NALF1: variants seen among roughly 807,000 people sequenced by gnomAD.
NALF1 encodes the protein NALCN channel auxiliary factor 1.
NALF1 carries 3 observed loss-of-function variants against 48.4 expected under a neutral mutation model. The ratio of observed to expected loss-of-function variants is 0.06; its 90% CI spans 0.03 to 0.16. The LOEUF is 0.16. Among genes scored for constraint, NALF1 ranks in the 10% least tolerant of loss-of-function variants. The pLI, the probability that NALF1 is intolerant of heterozygous loss-of-function variation, is 1.00. For synonymous variants in NALF1, 262 were observed against 245.7 expected (o/e 1.07, Z -0.62); for missense variants, 526 against 571.5 (o/e 0.92, Z 0.81).
chr13:107,392,813 C>T lies in NALF1; in HGVS notation c.916-182058G>A, dbSNP rs868333305. 4.6e-5 allele frequency among the ~76,000 whole-genome samples: 7 copies of T among 152,122 alleles called. 1 individual carries two copies. In the South Asian group the frequency reaches 1.0e-3, roughly 22 times the overall value. On this transcript the variant is annotated intron_variant, in intron 1 of 2. Transcript: ENST00000375915. ...AAACCTGTTTGGTGCTGTCCCCTTG[C>T]AAATTATCTGAGTGTGACCTACAGT...
At chr13:107,755,311 C>T (rs538626884) in intron 1 of NALF1, among the ~76,000 whole-genome samples, 2 of 152,056 alleles carry the variant, frequency 1.3e-5, no homozygotes, top group Non-Finnish European at 2.9e-5. Flanking sequence ...CCACTTCACT[C>T]TAGCTGCACT....
At position 107,362,753 on chromosome 13, in the gene NALF1, C is replaced by T. The variant is rs1883087037; in HGVS notation, c.916-151998G>A. ...TGGAGCTCCTATGATCCAGCAAACA[C>T]CGTGTGTGCTTTTACAACTTTCCCA... On this transcript the variant is annotated intron_variant, in intron 1 of 2. Coordinates refer to ENST00000375915, the MANE Select transcript of NALF1 (RefSeq NM_001080396.3). The surrounding 1 kb of genome is among the most constrained non-coding windows in gnomAD (Gnocchi z 4.6). 3.3e-5 allele frequency among the ~76,000 whole-genome samples: 5 copies of T among 152,082 alleles called. No individual in the cohort carries two copies.
intron 1 of NALF1, among the ~76,000 whole-genome samples, chr13:107,290,044 A>T (rs2138881560): frequency 6.6e-6 from 1 of 152,148 alleles, no homozygotes; most frequent in Admixed American, 6.5e-5. Flanking sequence ...TGGCAAAATT[A>T]CACTATATTC....
intron 1 of NALF1, among the ~76,000 whole-genome samples, chr13:107,758,935 T>C (rs958710065): frequency 6.6e-6 from 1 of 152,102 alleles, no homozygotes; most frequent in Non-Finnish European, 1.5e-5. Flanking sequence ...GATAAGACTT[T>C]CTGAAGCCAA....
At chr13:107,752,083 CAG>C (rs1201752668) in intron 1 of NALF1, among the ~76,000 whole-genome samples, 7 of 151,834 alleles carry the variant, frequency 4.6e-5, no homozygotes. Flanking sequence ...ACACATGAAA[CAG>C]AAAATATTAA....
At chr13:107,641,918 CA>C (rs2138459168) in intron 1 of NALF1, among the ~76,000 whole-genome samples, 1 of 152,284 alleles carries the variant, frequency 6.6e-6, no homozygotes, top group African/African-American at 2.4e-5. Context: ...TCTCATACCA[CA>C]CCCATTAAAT....
At position 107,607,847 on chromosome 13, in the gene NALF1, T is replaced by C. The variant is rs138230865; in HGVS notation, c.915+257835A>G. ...ATGAGAATTTGATGGGCAGCATTTG[T>C]AAAGCAGGGAAAACCACACCTGTAA... On this transcript the variant is annotated intron_variant, in intron 1 of 2. Coordinates refer to ENST00000375915, the MANE Select transcript of NALF1 (RefSeq NM_001080396.3). Among the ~76,000 whole-genome samples the C allele has an allele frequency of 1.6e-3, 242 of 152,274 alleles. 1 individual carries two copies. Among genetic ancestry groups the C allele is most frequent in the African/African-American group, 5.5e-3 (228 of 41,554 alleles).
At chr13:107,212,430 C>A (rs192020952) in intron 1 of NALF1, among the ~76,000 whole-genome samples, 1 of 152,228 alleles carries the variant, frequency 6.6e-6, no homozygotes, top group African/African-American at 2.4e-5. Context: ...TTACAATAGC[C>A]GAAGAAACCT....
chr13:107,603,646 T>C (rs564613058), intron 1 of NALF1, among the ~76,000 whole-genome samples: 1 of 152,298 alleles, frequency 6.6e-6, no homozygotes, highest in South Asian at 2.1e-4. Context: ...AATCTGACTA[T>C]AAAAACTAAA....
intron 1 of NALF1, among the ~76,000 whole-genome samples, chr13:107,853,390 G>A (rs1880366668): frequency 6.6e-6 from 1 of 152,112 alleles, no homozygotes; most frequent in Non-Finnish European, 1.5e-5. Flanking sequence ...TTGCATATTT[G>A]TATTTGTCTC....
At chr13:107,573,850 C>T (rs1047520494) in intron 1 of NALF1, among the ~76,000 whole-genome samples, 1 of 152,156 alleles carries the variant, frequency 6.6e-6, no homozygotes, top group Non-Finnish European at 1.5e-5. Flanking sequence ...GCTCCTCACT[C>T]ACCTTCCACC....
chr13:107,468,970 G>A (rs755794971), intron 1 of NALF1, among the ~76,000 whole-genome samples: 11 of 152,060 alleles, frequency 7.2e-5, no homozygotes, highest in Admixed American at 1.3e-4. Context: ...GGTATGTCTT[G>A]CTGAATTTTG....
chr13:107,780,591 C>T (rs561169720), intron 1 of NALF1, among the ~76,000 whole-genome samples: 10 of 151,750 alleles, frequency 6.6e-5, no homozygotes, highest in African/African-American at 1.7e-4. Context: ...CTCCTCCTCC[C>T]GGGTTCAAGC....
In NALF1 at chr13:107,492,032, G is replaced by GTTTTTTT. The variant is rs762750416; in HGVS notation, c.916-281284_916-281278dup. Among the ~76,000 whole-genome samples, 21 of 103,366 alleles carry GTTTTTTT rather than the reference G, an allele frequency of 2.0e-4. 3 individuals are homozygous for GTTTTTTT. Among genetic ancestry groups the GTTTTTTT allele is most frequent in the South Asian group, 3.2e-4 (1 of 3,116 alleles). 67.8% of individuals were successfully genotyped at this position (103,366 alleles called of 152,430 possible). A position where few individuals can be genotyped will look rare whatever the true frequency, so the allele number is the denominator to read the frequency against. On this transcript the variant is annotated intron_variant, in intron 1 of 2. Transcript: ENST00000375915. ...GTTTCATTTTTACAAGCCTGTCTGG[G>GTTTTTTT]TTTTTTTTTGTTTTTTTTTTTTTTT... is the stretch of plus-strand genomic sequence containing the variant.
intron 1 of NALF1, among the ~76,000 whole-genome samples, chr13:107,851,049 C>T (rs1277307369): frequency 6.6e-6 from 1 of 152,124 alleles, no homozygotes; most frequent in Non-Finnish European, 1.5e-5. Flanking sequence ...TGAATAAGAT[C>T]GTGTAGTGTG....
chr13:107,628,097 T>C (rs1458198087), intron 1 of NALF1, among the ~76,000 whole-genome samples: 1 of 152,064 alleles, frequency 6.6e-6, no homozygotes, highest in Non-Finnish European at 1.5e-5. Context: ...CACAGAGTTC[T>C]TTCTATCCTG....
intron 1 of NALF1, among the ~76,000 whole-genome samples, chr13:107,777,203 A>G (rs183463272): frequency 5.9e-5 from 9 of 152,268 alleles, no homozygotes; most frequent in Admixed American, 2.6e-4. Flanking sequence ...CATCCTCATG[A>G]GGAAGATTTT....
At chr13:107,751,827 C>T (rs1876945583) in intron 1 of NALF1, among the ~76,000 whole-genome samples, 2 of 152,048 alleles carry the variant, frequency 1.3e-5, no homozygotes, top group African/African-American at 4.8e-5. Flanking sequence ...TGACTACTAG[C>T]AACATACATG....
intron 1 of NALF1, among the ~76,000 whole-genome samples, chr13:107,612,828 G>C: frequency 6.6e-6 from 1 of 152,028 alleles, no homozygotes; most frequent in East Asian, 1.9e-4. Context: ...AATCACACGA[G>C]ACATATTTTA....
Sources: allele counts gnomAD v4.1 joint callset (sites outside exome capture counted in the v4.1 genomes callset), GRCh38; gene constraint gnomAD v4.1.1; non-coding constraint Gnocchi (gnomAD v3.1); transcripts MANE v1.5; gene names NCBI Gene and HGNC (gene_info 2026-07-23, HGNC 2026-07-21).